GDF1: variants seen among roughly 807,000 people sequenced by gnomAD.
The protein encoded by GDF1 is embryonic growth/differentiation factor 1.
Under a neutral mutation model 7.4 loss-of-function variants are expected in GDF1, and 8 were observed. The observed-to-expected ratio is 1.09, with a 90% CI of 0.64 to 1.96. The LOEUF is 1.96. GDF1 is among the 30% of genes most tolerant of loss of function. The pLI is 0.00. For missense variants in GDF1, 574 were observed against 551.5 expected, an observed-to-expected ratio of 1.04 and a Z score of -0.41; for synonymous variants, 311 against 276.7, an observed-to-expected ratio of 1.12 and a Z score of -1.23.
rs566937666 is a variant in GDF1 at position 18,890,675 on chromosome 19, G to A, written c.-914+2741C>T. 5.3e-5 allele frequency among the ~76,000 whole-genome samples: 8 copies of A among 151,192 alleles called. No individual in the cohort carries two copies. In the South Asian group the frequency reaches 1.7e-3, roughly 32 times the overall value. On this transcript the variant is annotated intron_variant, in intron 2 of 7. Coordinates refer to ENST00000247005, the MANE Select transcript of GDF1 (RefSeq NM_001492.6). ...ACACACCTGTGGTCCCAGCTACTCA[G>A]AAGGCTGAGGTGGGATGATTGCTTG...
At chr19:18,891,216 A>AG (rs2056482603) in intron 2 of GDF1, among the ~76,000 whole-genome samples, 2 of 152,156 alleles carry the variant, frequency 1.3e-5, no homozygotes, top group African/African-American at 4.8e-5. Flanking sequence ...TAGGGGATCA[A>AG]GGTGTGTTAC....
chr19:18,894,475 C>T (rs2056576221), intron 1 of GDF1, among the ~76,000 whole-genome samples: 1 of 152,122 alleles, frequency 6.6e-6, no homozygotes, highest in Admixed American at 6.5e-5. Flanking sequence ...TGAGGAAGGG[C>T]GAGCCTCGAA....
In GDF1 at chr19:18,895,266, C is replaced by A. The variant is rs2056597017; in HGVS notation, c.-1074+558G>T. Reference sequence around the variant, plus strand: ...CTCTTCCCGATTACAGCGGGCAAGCCGGCCCCGCCGCCGCACGGACCCAGC... The same window carrying A: ...CTCTTCCCGATTACAGCGGGCAAGCAGGCCCCGCCGCCGCACGGACCCAGC... On this transcript the variant is annotated intron_variant, in intron 1 of 7. Coordinates refer to ENST00000247005, the MANE Select transcript of GDF1 (RefSeq NM_001492.6). The surrounding 1 kb of genome is among the most constrained non-coding windows in gnomAD (Gnocchi z 6.4). Among the ~76,000 whole-genome samples, 1 of 152,228 alleles carries A rather than the reference C, an allele frequency of 6.6e-6. No individual in the cohort carries two copies. Among genetic ancestry groups the A allele is most frequent in the East Asian group, 1.9e-4 (1 of 5,186 alleles).
Position 18,869,233 on chromosome 19 carries a change from G to T in GDF1, c.483C>A (p.Gly161=), listed in dbSNP as rs1196306302. The change falls in exon 8 of 8, where the codon GGC becomes GGA. Residue 161 remains glycine, a synonymous_variant. Coordinates refer to ENST00000247005, the MANE Select transcript of GDF1 (RefSeq NM_001492.6). ...CTTGCGCCACGCTCAGCTCCCAGCC[G>T]CCCTCCGGGGCTGCCGCCGCCGCCG... is the stretch of plus-strand genomic sequence containing the variant. The part of the protein sequence containing the change: ...FAAAAAAAPE[G]GWELSVAQAG... The T allele has an allele frequency of 7.2e-7, 1 of 1,391,400 alleles. No homozygotes were observed. Among genetic ancestry groups the T allele is most frequent in the Non-Finnish European group, 9.2e-7 (1 of 1,084,200 alleles). The allele number at this position is 1,391,400 out of a possible 1,614,324, so 86.2% of individuals were successfully genotyped here.
In GDF1 at chr19:18,870,907, T is replaced by C. The variant is rs2055958006; in HGVS notation, c.-312-288A>G. Among the ~76,000 whole-genome samples, 1 of 151,790 alleles carries C rather than the reference T, an allele frequency of 6.6e-6. No individual in the cohort carries two copies. The highest frequency in any genetic ancestry group is 2.1e-4 in the South Asian group (1 of 4,808). On this transcript the variant is annotated intron_variant, in intron 6 of 7. Transcript: ENST00000247005. This position sits in a 1 kb window ranked among gnomAD's most constrained non-coding sequence, Gnocchi z 5.1. ...TTCCTCTTCCCCTCCTCCCTGCCTC[T>C]CCAGGCCGCTGGAGGGCAAAACCCA...
chr19:18,885,517 T>TGTG (rs143416454), intron 2 of GDF1, among the ~76,000 whole-genome samples: 1 of 137,540 alleles, frequency 7.3e-6, no homozygotes, highest in Non-Finnish European at 1.5e-5. Context: ...TCTCGTTTTT[T>TGTG]TTTTTTTTTT....
In GDF1 at chr19:18,878,028, GA is replaced by G; in HGVS notation, c.-313+901del. The G allele has an allele frequency of 1.0e-6, 1 of 985,470 alleles. No individual in the cohort carries two copies. The highest frequency in any genetic ancestry group is 1.1e-4 in the East Asian group (1 of 8,802). The allele number at this position is 985,470 out of a possible 1,614,324, so 61.0% of individuals were successfully genotyped here. On this transcript the variant is annotated intron_variant, in intron 6 of 7. Transcript: ENST00000247005. This position sits in a 1 kb window ranked among gnomAD's most constrained non-coding sequence, Gnocchi z 4.6. ...GCTCCTCTGCCTGGCTACAGCCCCG[GA>G]TGTGTTAAATGTCTGCATCTCGCAC...
chr19:18,871,682 C>G (rs1037128246), intron 6 of GDF1, among the ~76,000 whole-genome samples: 8 of 152,238 alleles, frequency 5.3e-5, no homozygotes, highest in African/African-American at 1.9e-4. Context: ...TTCTCTTAGG[C>G]TGAAGCTCAG....
intron 2 of GDF1, among the ~76,000 whole-genome samples, chr19:18,889,107 G>C (rs578103181): frequency 1.6e-4 from 24 of 151,884 alleles, no homozygotes; most frequent in Non-Finnish European, 2.9e-4. Flanking sequence ...GGCCAGGCTG[G>C]TCTGGAACTC....
In GDF1 at chr19:18,869,183, G is replaced by T; in HGVS notation, c.533C>A (p.Pro178His). The T allele has an allele frequency of 8.6e-7, 1 of 1,168,932 alleles. No individual in the cohort carries two copies. The highest frequency in any genetic ancestry group is 1.1e-6 in the Non-Finnish European group (1 of 948,770). The allele number at this position is 1,168,932 out of a possible 1,614,324, so 72.4% of individuals were successfully genotyped here. A position where few individuals can be genotyped will look rare whatever the true frequency, so the allele number is the denominator to read the frequency against. Residue 178 changes from proline (P) to histidine (H), a missense_variant, in exon 8 of 8, where the codon CCC becomes CAC. Physicochemically the swap from Pro to His is moderately conservative, Grantham distance 77. Transcript: ENST00000247005. Reference protein sequence around the residue: ...AQAGQGAGADPGPVLLRQLVP... With the variant: ...AQAGQGAGADHGPVLLRQLVP... ...CAACTGGCGGAGCAGCACCGGCCCG[G>T]GGTCCGCGCCCGCGCCCTGGCCCGC...
At chr19:18,893,367 CT>C (rs754763864) in intron 2 of GDF1, 48 bp downstream of exon 2, 2 of 1,546,948 alleles carry the variant, frequency 1.3e-6, no homozygotes, top group African/African-American at 2.7e-5. Flanking sequence ...AGCCTGGCGT[CT>C]TTGTGTTTTA....
At chr19:18,884,057 C>A in intron 3 of GDF1, 30 bp downstream of exon 3, 1 of 1,598,678 alleles carries the variant, frequency 6.3e-7, no homozygotes, top group South Asian at 1.1e-5. Flanking sequence ...GGCTGTGCCT[C>A]GGCCCCCTGC....
At chr19:18,892,569 G>C (rs1445438883) in intron 2 of GDF1, among the ~76,000 whole-genome samples, 1 of 151,984 alleles carries the variant, frequency 6.6e-6, no homozygotes, top group Non-Finnish European at 1.5e-5. Context: ...AGCCGAGATC[G>C]CGCCACTGCA....
intron 2 of GDF1, among the ~76,000 whole-genome samples, chr19:18,891,898 T>TC (rs2056500413): frequency 6.7e-6 from 1 of 148,944 alleles, no homozygotes; most frequent in South Asian, 2.1e-4. Context: ...TTCTCATCTT[T>TC]TTTTTTTTTT....
At chr19:18,885,507 TCTC>T (rs1315036437) in intron 2 of GDF1, among the ~76,000 whole-genome samples, 2 of 94,726 alleles carry the variant, frequency 2.1e-5, no homozygotes, top group Non-Finnish European at 2.2e-5. Flanking sequence ...CAGCGCCCCT[TCTC>T]GTTTTTTTTT....
chr19:18,871,611 T>C (rs145337049), intron 6 of GDF1, among the ~76,000 whole-genome samples: 102 of 152,314 alleles, frequency 6.7e-4, no homozygotes, highest in Middle Eastern at 3.4e-3. Flanking sequence ...CTCAAACTCC[T>C]GGGCTCAAGC....
At chr19:18,887,958 C>G (rs542544223) in intron 2 of GDF1, among the ~76,000 whole-genome samples, 25 of 152,230 alleles carry the variant, frequency 1.6e-4, no homozygotes, top group African/African-American at 5.8e-4. Context: ...CTTTCTGTCT[C>G]TATGAGTGGG....
rs1467016544 is a variant in GDF1, at chr19:18,868,675, C to A, written c.1041G>T (p.Val347=). ...CVPARLSPIS[V]LFFDNSDNVV... is the part of the protein sequence containing the mutation. ...CGTTGTCGCTGTTGTCAAAGAAGAG[C>A]ACGGAGATGGGCGACAGGCGCGCGG... The change falls in exon 8 of 8, where the codon GTG becomes GTT. Residue 347 remains valine (V), a synonymous_variant. Coordinates refer to ENST00000247005, the MANE Select transcript of GDF1 (RefSeq NM_001492.6). 15 of 1,572,922 alleles carry A rather than the reference C, an allele frequency of 9.5e-6. No homozygotes were observed. The Admixed American group carries it at 2.4e-4, about 25-fold the overall frequency.
chr19:18,875,796 A>G (rs1377539970), intron 6 of GDF1, among the ~76,000 whole-genome samples: 7 of 152,190 alleles, frequency 4.6e-5, no homozygotes, highest in African/African-American at 1.7e-4. Context: ...GAAAAGAAGA[A>G]GAGAAAGCCC....
Sources: gnomAD v4.1 joint callset for allele counts (sites outside exome capture counted in the v4.1 genomes callset) on GRCh38, gnomAD v4.1.1 for gene constraint, Gnocchi (gnomAD v3.1) non-coding constraint, MANE v1.5 for transcripts, NCBI Gene and HGNC (gene_info 2026-07-23, HGNC 2026-07-21) for gene names.